Variants in THOC1 observed in about 807,000 individuals in gnomAD.
THOC1 encodes the protein THO complex subunit 1.
THOC1 carries 29 observed loss-of-function variants against 97.3 expected under a neutral mutation model. The ratio of observed to expected loss-of-function variants is 0.30; its 90% CI spans 0.22 to 0.41. The LOEUF is 0.41. THOC1 is among the 10% of genes least tolerant of loss of function. THOC1 has a pLI of 1.00. For missense variants in THOC1, 529 were observed against 761.9 expected (o/e 0.69, Z 3.60); for synonymous variants, 255 against 257.0 (o/e 0.99, Z 0.07).
chr18:264,125 G>A (rs1479436050), intron 3 of THOC1, 33 bp from the exon 4 acceptor site: 10 of 1,513,400 alleles, frequency 6.6e-6, no homozygotes, highest in Non-Finnish European at 9.1e-6. Context: ...TTAATTTAGG[G>A]GCAAGAGTTC....
At chr18:241,227 T>G (rs1206244720) in intron 11 of THOC1, among the ~76,000 whole-genome samples, 1 of 152,190 alleles carries the variant, frequency 6.6e-6, no homozygotes, top group Non-Finnish European at 1.5e-5. Context: ...GGGTCTTGCT[T>G]CTGCCTTCAT....
intron 1 of THOC1, among the ~76,000 whole-genome samples, chr18:266,176 T>A (rs536041051): frequency 6.6e-6 from 1 of 152,336 alleles, no homozygotes; most frequent in Admixed American, 6.5e-5. Context: ...GACAAAAATA[T>A]TGCAAAAGGC....
chr18:252,455 T>C, intron 9 of THOC1, 84 bp downstream of exon 9: 1 of 1,004,888 alleles, frequency 1.0e-6, no homozygotes, highest in Non-Finnish European at 1.5e-6. Context: ...TTCCTCCTTG[T>C]CTATCTCCTC....
rs1186242430 is a variant in THOC1, at chr18:243,473, G to A, written c.918+2851C>T. Among the ~76,000 whole-genome samples the A allele has an allele frequency of 2.6e-5, 4 of 152,062 alleles. No individual in the cohort carries two copies. In the East Asian group the frequency reaches 5.8e-4, roughly 22 times the overall value. On this transcript the variant is annotated intron_variant, in intron 11 of 20. Coordinates refer to ENST00000261600, the MANE Select transcript of THOC1 (RefSeq NM_005131.3). ...GAATCGCTTAAACCCAGGTGGCAGA[G>A]GTTGCAGTGAGCCAAGACCACGCCA...
intron 19 of THOC1, 92 bp from the exon 20 acceptor site, chr18:215,596 C>T: frequency 9.8e-7 from 1 of 1,016,736 alleles, no homozygotes; most frequent in Non-Finnish European, 1.5e-6. Flanking sequence ...TTGTGAGATT[C>T]CAAGTACAGG....
chr18:253,590 A>G (rs909170816), intron 8 of THOC1, among the ~76,000 whole-genome samples: 4 of 152,264 alleles, frequency 2.6e-5, no homozygotes, highest in Non-Finnish European at 5.9e-5. Context: ...GGTTATAGAA[A>G]TAATATGAAT....
chr18:258,123 G>A (rs1482234318), intron 7 of THOC1, among the ~76,000 whole-genome samples: 1 of 152,048 alleles, frequency 6.6e-6, no homozygotes, highest in Non-Finnish European at 1.5e-5. Flanking sequence ...AGAAAAAAAT[G>A]TAGATTATCT....
intron 7 of THOC1, among the ~76,000 whole-genome samples, chr18:257,223 A>G (rs1912464178): frequency 6.6e-6 from 1 of 152,232 alleles, no homozygotes; most frequent in African/African-American, 2.4e-5. Flanking sequence ...TATATACATT[A>G]TAATAGAGTT....
At chr18:226,427 A>T (rs1271426029) in intron 12 of THOC1, 1 of 161,176 alleles carries the variant, frequency 6.2e-6, no homozygotes, top group African/African-American at 2.4e-5. Flanking sequence ...TTTAGCTTGA[A>T]TGTCCTGCAG....
chr18:224,194 A>G lies in THOC1; in HGVS notation c.1209-15T>C, dbSNP rs199903576. On this transcript the variant is annotated splice_polypyrimidine_tract_variant and intron_variant, in intron 15 of 20. Transcript: ENST00000261600. ...TATCTGATGTTCTGTCGTGAACAAA[A>G]CATACACTATTTTTTGAATTACAAA... The G allele has an allele frequency of 5.9e-6, 9 of 1,534,064 alleles. No individual in the cohort carries two copies. In the African/African-American group the frequency reaches 1.2e-4, roughly 21 times the overall value.
chr18:234,844 T>G (rs1278534415), intron 11 of THOC1, among the ~76,000 whole-genome samples: 2 of 152,220 alleles, frequency 1.3e-5, no homozygotes, highest in African/African-American at 4.8e-5. Context: ...ATATGTGAGA[T>G]GAATATACAT....
In THOC1 at chr18:226,490, T is replaced by C. The variant is rs187968454; in HGVS notation, c.1019+311A>G. ...ACTGGCTTAGTCTGCAAATCAGCTTTGGAGGAGGTCTGAGGGAGGTGAGAA... is the reference window on the plus strand; with the variant it reads ...ACTGGCTTAGTCTGCAAATCAGCTTCGGAGGAGGTCTGAGGGAGGTGAGAA... On this transcript the variant is annotated intron_variant, in intron 12 of 20. Coordinates refer to ENST00000261600, the MANE Select transcript of THOC1 (RefSeq NM_005131.3). The C allele has an allele frequency of 1.9e-4, 45 of 240,938 alleles. No individual in the cohort carries two copies. In the East Asian group the frequency reaches 4.1e-3, roughly 22 times the overall value. 14.9% of individuals were successfully genotyped at this position (240,938 alleles called of 1,614,324 possible). A position where few individuals can be genotyped will look rare whatever the true frequency, so the allele number is the denominator to read the frequency against.
At position 254,241 on chromosome 18, in the gene THOC1, T is replaced by C; in HGVS notation, c.603+32A>G. 1.4e-6 allele frequency: 2 copies of C among 1,466,548 alleles called. No homozygotes were observed. The highest frequency in any genetic ancestry group is 1.9e-6 in the Non-Finnish European group (2 of 1,066,440). The allele number at this position is 1,466,548 out of a possible 1,614,324, so 90.8% of individuals were successfully genotyped here. ...TATCTTAATAACAAACTTGCAAATA[T>C]GTTATCTGAGAAGATTTCAAATCAG... On this transcript the variant is annotated intron_variant, in intron 8 of 20. Coordinates refer to ENST00000261600, the MANE Select transcript of THOC1 (RefSeq NM_005131.3). This position sits in a 1 kb window ranked among gnomAD's most constrained non-coding sequence, Gnocchi z 4.1.
chr18:218,253 C>T (rs773721322), intron 18 of THOC1, among the ~76,000 whole-genome samples: 1 of 152,114 alleles, frequency 6.6e-6, no homozygotes, highest in Non-Finnish European at 1.5e-5. Context: ...ATTAAATTAG[C>T]CTTAGTTGCC....
chr18:220,808 C>T (rs189660043), intron 17 of THOC1, among the ~76,000 whole-genome samples: 21 of 151,946 alleles, frequency 1.4e-4, no homozygotes, highest in Non-Finnish European at 1.5e-5. Flanking sequence ...TTTTATTGAT[C>T]TTCTCTTTTG....
At chr18:221,962 T>C (rs1299062696) in intron 17 of THOC1, among the ~76,000 whole-genome samples, 1 of 152,168 alleles carries the variant, frequency 6.6e-6, no homozygotes, top group Non-Finnish European at 1.5e-5. Flanking sequence ...AAAGTCCATT[T>C]CCATTTATAT....
At chr18:235,791 C>T (rs1477298839) in intron 11 of THOC1, among the ~76,000 whole-genome samples, 2 of 152,126 alleles carry the variant, frequency 1.3e-5, no homozygotes, top group Non-Finnish European at 2.9e-5. Context: ...TGTGAATGTT[C>T]CACGTATACA....
At chr18:265,759 G>C (rs1320298202) in intron 1 of THOC1, among the ~76,000 whole-genome samples, 1 of 151,422 alleles carries the variant, frequency 6.6e-6, no homozygotes, top group Non-Finnish European at 1.5e-5. Context: ...TTTCATTCTA[G>C]GTGATATTTC....
chr18:224,696 AATAAG>A (rs1911217036), intron 15 of THOC1, among the ~76,000 whole-genome samples: 1 of 152,058 alleles, frequency 6.6e-6, no homozygotes, highest in African/African-American at 2.4e-5. Context: ...TCTTCTCAAT[AATAAG>A]ATGTTTGTTC....
Sources: allele counts gnomAD v4.1 joint callset (sites outside exome capture counted in the v4.1 genomes callset), GRCh38; gene constraint gnomAD v4.1.1; non-coding constraint Gnocchi (gnomAD v3.1); transcripts MANE v1.5; gene names NCBI Gene and HGNC (gene_info 2026-07-23, HGNC 2026-07-21).